EBF1: variants seen among roughly 807,000 people sequenced by gnomAD.
EBF1 encodes EBF transcription factor 1.
EBF1 carries 10 observed loss-of-function variants against 68.4 expected under a neutral mutation model. The observed-to-expected ratio is 0.15, with a 90% CI of 0.09 to 0.25. EBF1 has a LOEUF of 0.25. Ranked by LOEUF, EBF1 falls within the 10% of genes least tolerant of loss-of-function variation. EBF1 has a pLI of 1.00. For synonymous variants in EBF1, 298 were observed against 299.8 expected (o/e 0.99, Z 0.06); for missense variants, 509 against 794.4 (o/e 0.64, Z 4.32).
intron 6 of EBF1, among the ~76,000 whole-genome samples, chr5:158,999,052 A>C (rs1257873219): frequency 6.6e-6 from 1 of 152,104 alleles, no homozygotes; most frequent in Non-Finnish European, 1.5e-5. Context: ...TCAAGCACAC[A>C]CAAGAGTTTT....
intron 6 of EBF1, among the ~76,000 whole-genome samples, chr5:158,934,879 A>T (rs1456375454): frequency 6.6e-6 from 1 of 152,148 alleles, no homozygotes; most frequent in African/African-American, 2.4e-5. Context: ...ATATGATTGC[A>T]CTCATTGCAA....
chr5:158,883,363 C>CATACATGTGTGTATATATAT (rs1383078746), intron 6 of EBF1, among the ~76,000 whole-genome samples: 4 of 150,022 alleles, frequency 2.7e-5, no homozygotes, highest in African/African-American at 7.5e-5. Context: ...TATATATATA[C>CATACATGTGTGTATATATAT]ACATACATAC....
At chr5:158,907,546 A>T (rs1045450951) in intron 6 of EBF1, among the ~76,000 whole-genome samples, 6 of 152,192 alleles carry the variant, frequency 3.9e-5, no homozygotes, top group African/African-American at 1.4e-4. Flanking sequence ...TGGAAAAGCA[A>T]AACTTTCAGT....
At position 158,715,017 on chromosome 5, in the gene EBF1, T is replaced by A. The variant is rs1239447143; in HGVS notation, c.1126-835A>T. ...CTACAAAGTGAGTGTGGTGCTAATA[T>A]TTTTGGTTCTAACTAAAAGAAATCT... is the stretch of plus-strand genomic sequence containing the variant. On this transcript the variant is annotated intron_variant, in intron 11 of 15. Transcript: ENST00000313708. Among the ~76,000 whole-genome samples the A allele has an allele frequency of 3.3e-5, 5 of 152,336 alleles. No homozygotes were observed. The East Asian group carries it at 7.7e-4, about 23-fold the overall frequency.
chr5:158,903,764 T>A (rs1262132112), intron 6 of EBF1, among the ~76,000 whole-genome samples: 1 of 152,184 alleles, frequency 6.6e-6, no homozygotes, highest in East Asian at 1.9e-4. Flanking sequence ...AATCAGTGGC[T>A]TTACTATCTC....
chr5:158,821,426 T>G (rs1010684537), intron 8 of EBF1, among the ~76,000 whole-genome samples: 1 of 152,202 alleles, frequency 6.6e-6, no homozygotes, highest in African/African-American at 2.4e-5. Context: ...TGTCAGGAGC[T>G]TTCTCACTGG....
At position 158,850,744 on chromosome 5, in the gene EBF1, C is replaced by G. The variant is rs191342407; in HGVS notation, c.555-10634G>C. Among the ~76,000 whole-genome samples the G allele has an allele frequency of 2.9e-4, 44 of 152,278 alleles. No homozygotes were observed. The East Asian group carries it at 7.7e-3, about 27-fold the overall frequency. On this transcript the variant is annotated intron_variant, in intron 6 of 15. Transcript: ENST00000313708. Reference sequence around the variant, plus strand: ...AAGTAGGGCCAGGTGTGGTGACTCACGCCTGTAATCTCAGCACTTTGGGAG... The same window carrying G: ...AAGTAGGGCCAGGTGTGGTGACTCAGGCCTGTAATCTCAGCACTTTGGGAG...
At chr5:158,706,767 G>T (rs925508714) in intron 15 of EBF1, among the ~76,000 whole-genome samples, 3 of 152,108 alleles carry the variant, frequency 2.0e-5, no homozygotes, top group African/African-American at 7.2e-5. Flanking sequence ...CATCTCCACC[G>T]TTTAACCGAC....
intron 15 of EBF1, among the ~76,000 whole-genome samples, chr5:158,699,917 A>G (rs1398112978): frequency 2.0e-5 from 3 of 152,224 alleles, no homozygotes; most frequent in Non-Finnish European, 4.4e-5. Flanking sequence ...CAAAGCTAGG[A>G]GGTCGCAGAT....
At chr5:159,025,488 G>A (rs908259155) in intron 6 of EBF1, among the ~76,000 whole-genome samples, 7 of 152,166 alleles carry the variant, frequency 4.6e-5, no homozygotes, top group Admixed American at 4.6e-4. Context: ...GACATGACAT[G>A]CTTTATTTAT....
At chr5:158,995,386 A>G (rs1761191252) in intron 6 of EBF1, among the ~76,000 whole-genome samples, 1 of 152,196 alleles carries the variant, frequency 6.6e-6, no homozygotes, top group African/African-American at 2.4e-5. Flanking sequence ...GTAGCAGATC[A>G]ATGCTAGGGG....
At position 159,054,475 on chromosome 5, in the gene EBF1, G is replaced by A. The variant is rs139372615; in HGVS notation, c.554+18921C>T. Among the ~76,000 whole-genome samples, 288 of 152,136 alleles carry A rather than the reference G, an allele frequency of 1.9e-3. 1 individual carries two copies. Among genetic ancestry groups the A allele is most frequent in the African/African-American group, 6.1e-3 (254 of 41,474 alleles). On this transcript the variant is annotated intron_variant, in intron 6 of 15. Transcript: ENST00000313708. ...TTTTCTGTTTCTCAGTCTCTCTCTCGTCTCCTCTGCACATAGAAAAAAATT... is the reference window on the plus strand; with the variant it reads ...TTTTCTGTTTCTCAGTCTCTCTCTCATCTCCTCTGCACATAGAAAAAAATT...
intron 6 of EBF1, among the ~76,000 whole-genome samples, chr5:158,885,530 T>C (rs1799876871): frequency 1.3e-5 from 2 of 152,266 alleles, no homozygotes; most frequent in South Asian, 4.1e-4. Flanking sequence ...CATGCACACA[T>C]TGCAGGGGTA....
intron 10 of EBF1, among the ~76,000 whole-genome samples, chr5:158,770,209 C>T (rs1773597967): frequency 6.6e-6 from 1 of 151,948 alleles, no homozygotes; most frequent in African/African-American, 2.4e-5. Context: ...GCAGCTTTAA[C>T]CCCTCTGTCT....
At chr5:158,785,364 C>T (rs933720512) in intron 9 of EBF1, among the ~76,000 whole-genome samples, 1 of 152,116 alleles carries the variant, frequency 6.6e-6, no homozygotes, top group African/African-American at 2.4e-5. Flanking sequence ...AGTATATATT[C>T]TTGGCGACTG....
At chr5:159,098,639 A>C (rs1281830385) in intron 1 of EBF1, among the ~76,000 whole-genome samples, 3 of 151,586 alleles carry the variant, frequency 2.0e-5, no homozygotes, top group African/African-American at 7.3e-5. Flanking sequence ...TGAGGGAGAA[A>C]TTAAGGGAAG....
intron 6 of EBF1, among the ~76,000 whole-genome samples, chr5:158,971,782 C>T (rs1755704400): frequency 6.6e-6 from 1 of 152,152 alleles, no homozygotes; most frequent in South Asian, 2.1e-4. Context: ...GCACTGTCTT[C>T]AAGAGCTAAG....
intron 6 of EBF1, among the ~76,000 whole-genome samples, chr5:158,912,881 AG>A (rs1806320466): frequency 6.6e-6 from 1 of 152,230 alleles, no homozygotes; most frequent in Non-Finnish European, 1.5e-5. Flanking sequence ...TCTTGCAGGT[AG>A]TATAGATGCT....
In EBF1 at chr5:158,962,108, T is replaced by A. The variant is rs1005855940; in HGVS notation, c.554+111288A>T. Among the ~76,000 whole-genome samples the A allele has an allele frequency of 5.9e-5, 9 of 152,180 alleles. 1 individual carries two copies. The highest frequency in any genetic ancestry group is 5.9e-4 in the Admixed American group (9 of 15,278). Reference sequence around the variant, plus strand: ...ATCGATGGCAGCACAGGACTGTGTTTAAGTGATCTGATAAAGCCGGTGGCA... The same window carrying A: ...ATCGATGGCAGCACAGGACTGTGTTAAAGTGATCTGATAAAGCCGGTGGCA... On this transcript the variant is annotated intron_variant, in intron 6 of 15. Transcript: ENST00000313708.
Sources: allele counts gnomAD v4.1 joint callset (sites outside exome capture counted in the v4.1 genomes callset), GRCh38; gene constraint gnomAD v4.1.1; transcripts MANE v1.5; gene names NCBI Gene and HGNC (gene_info 2026-07-23, HGNC 2026-07-21).